Variants in NME8 observed in about 807,000 individuals in gnomAD.
The protein encoded by NME8 is NME/NM23 family member 8, also known as protein NME8.
A neutral mutation model predicts 82.3 loss-of-function variants in NME8; 72 were observed. That is an observed-to-expected ratio of 0.87 (90% CI 0.72 to 1.06). The LOEUF (loss-of-function observed/expected upper bound fraction) is 1.06, where lower values mean the gene tolerates loss of function less well. Among genes scored for constraint, NME8 ranks in the 50% least tolerant of loss-of-function variants. The probability of loss-of-function intolerance (pLI) is 0.00; values close to 1 mark genes in which losing one functional copy is unlikely to be tolerated. For missense variants in NME8, 712 were observed against 685.4 expected (o/e 1.04, Z -0.43); for synonymous variants, 267 against 228.5 (o/e 1.17, Z -1.52).
chr7:37,877,035 G>C, intron 12 of NME8, 28 bp downstream of exon 12: 1 of 1,571,918 alleles, frequency 6.4e-7, no homozygotes, highest in Non-Finnish European at 8.7e-7. Flanking sequence ...AATTGTTTAA[G>C]TATTTTATAT....
At chr7:37,879,439 C>G (rs1190337723) in intron 12 of NME8, among the ~76,000 whole-genome samples, 2 of 152,214 alleles carry the variant, frequency 1.3e-5, no homozygotes, top group Non-Finnish European at 2.9e-5. Context: ...AGCCACCACA[C>G]CCGGCCAGTA....
At chr7:37,855,709 T>TAAATTCTCC (rs1562828658) in intron 5 of NME8, among the ~76,000 whole-genome samples, 1 of 152,206 alleles carries the variant, frequency 6.6e-6, no homozygotes, top group Non-Finnish European at 1.5e-5. Flanking sequence ...TTGCAGGCAT[T>TAAATTCTCC]AAATTCTCCA....
Position 37,888,290 on chromosome 7 carries a change from T to C in NME8, c.1261T>C (p.Phe421Leu), listed in dbSNP as rs1785073898. Residue 421 changes from phenylalanine to leucine, a missense_variant, in exon 15 of 18, where the codon TTT becomes CTT. Phe to Leu is a conservative substitution (Grantham distance 22). Coordinates refer to ENST00000199447, the MANE Select transcript of NME8 (RefSeq NM_016616.5). ...TCTTTTTCAAAGTTTATGTGCACAG[T>C]TTGCGATGGACAGTTTGCCGGTCAA... Reference protein sequence around the residue: ...EYFPESLCAQFAMDSLPVNQL... With the variant: ...EYFPESLCAQLAMDSLPVNQL... 1 of 1,613,452 alleles carries C rather than the reference T, an allele frequency of 6.2e-7. No individual in the cohort carries two copies. The highest frequency in any genetic ancestry group is 8.5e-7 in the Non-Finnish European group (1 of 1,179,642).
chr7:37,875,602 C>A lies in NME8; in HGVS notation c.819-1230C>A, dbSNP rs1411367667. On this transcript the variant is annotated intron_variant, in intron 11 of 17. Coordinates refer to ENST00000199447, the MANE Select transcript of NME8 (RefSeq NM_016616.5). Reference sequence around the variant, plus strand: ...TTTTCAAAATAAAAAATTTAAACAACTTTTCTCATCTATATTCTGTTTAGA... The same window carrying A: ...TTTTCAAAATAAAAAATTTAAACAAATTTTCTCATCTATATTCTGTTTAGA... Among the ~76,000 whole-genome samples, 4 of 151,154 alleles carry A rather than the reference C, an allele frequency of 2.6e-5. No individual in the cohort carries two copies. The East Asian group carries it at 7.7e-4, about 29-fold the overall frequency.
Position 37,875,721 on chromosome 7 carries a change from A to G in NME8, c.819-1111A>G, listed in dbSNP as rs1430841190. ...ATTAAAATTGCTAAATTTGATAAAG[A>G]CACGATGTAGAAGGCAACATTTATG... On this transcript the variant is annotated intron_variant, in intron 11 of 17. Transcript: ENST00000199447. Among the ~76,000 whole-genome samples the G allele has an allele frequency of 3.3e-5, 5 of 152,112 alleles. No homozygotes were observed. In the South Asian group the frequency reaches 8.3e-4, roughly 25 times the overall value.
At chr7:37,872,072 G>T (rs1410683662) in intron 11 of NME8, among the ~76,000 whole-genome samples, 1 of 151,738 alleles carries the variant, frequency 6.6e-6, no homozygotes, top group Non-Finnish European at 1.5e-5. Context: ...AGAGTTTGGG[G>T]AGCTCCTGAA....
chr7:37,883,088 G>T (rs994859035), intron 12 of NME8, among the ~76,000 whole-genome samples: 2 of 152,062 alleles, frequency 1.3e-5, no homozygotes, highest in African/African-American at 2.4e-5. Flanking sequence ...GATTCTCAAG[G>T]ATTGACAATC....
At chr7:37,872,863 A>G (rs988495447) in intron 11 of NME8, among the ~76,000 whole-genome samples, 2 of 152,142 alleles carry the variant, frequency 1.3e-5, no homozygotes, top group African/African-American at 4.8e-5. Flanking sequence ...TCCACCCTCA[A>G]CTGATGCCAC....
intron 14 of NME8, among the ~76,000 whole-genome samples, chr7:37,887,921 A>G (rs889518519): frequency 6.6e-6 from 1 of 152,152 alleles, no homozygotes; most frequent in African/African-American, 2.4e-5. Context: ...CCCATGATTC[A>G]GTTAGCTCCC....
At chr7:37,876,433 G>T (rs1784854680) in intron 11 of NME8, among the ~76,000 whole-genome samples, 1 of 151,674 alleles carries the variant, frequency 6.6e-6, no homozygotes, top group African/African-American at 2.4e-5. Context: ...AAAGGTAATT[G>T]GAAATGTTCA....
rs1442421698 is a variant in NME8, at chr7:37,898,843, A to G, written c.*16-1401A>G. On this transcript the variant is annotated intron_variant, in intron 17 of 17. Coordinates refer to ENST00000199447, the MANE Select transcript of NME8 (RefSeq NM_016616.5). ...TAATAACATTGATTTGTATACTCAAATGGTTGCAATGGCAAATTTAATACA... is the reference window on the plus strand; with the variant it reads ...TAATAACATTGATTTGTATACTCAAGTGGTTGCAATGGCAAATTTAATACA... Among the ~76,000 whole-genome samples the G allele has an allele frequency of 2.0e-5, 3 of 152,308 alleles. No individual in the cohort carries two copies. In the South Asian group the frequency reaches 6.2e-4, roughly 32 times the overall value.
At position 37,896,875 on chromosome 7, in the gene NME8, C is replaced by A. The variant is rs761227974; in HGVS notation, c.1550C>A (p.Pro517Gln). ...GAAAGCACCGTTCTTTGCAGGGGTC[C>A]ATCTATGGTCATGATTCTGACCAAG... is the stretch of plus-strand genomic sequence containing the variant. ...KDLLEMLSVGPSMVMILTKWN... is the reference protein window; with the variant it reads ...KDLLEMLSVGQSMVMILTKWN... Residue 517 changes from proline to glutamine, a missense_variant, in exon 17 of 18, where the codon CCA becomes CAA. Pro to Gln is a moderately conservative substitution (Grantham distance 76). Transcript: ENST00000199447. 15 of 1,613,324 alleles carry A rather than the reference C, an allele frequency of 9.3e-6. No individual in the cohort carries two copies. The highest frequency in any genetic ancestry group is 1.1e-5 in the Non-Finnish European group (13 of 1,179,398).
chr7:37,849,695 C>A (rs1371145018), intron 2 of NME8, among the ~76,000 whole-genome samples: 1 of 152,018 alleles, frequency 6.6e-6, no homozygotes, highest in Non-Finnish European at 1.5e-5. Flanking sequence ...CGGTGAAATT[C>A]TGTATCTACT....
At chr7:37,898,889 C>T (rs947023013) in intron 17 of NME8, among the ~76,000 whole-genome samples, 11 of 151,870 alleles carry the variant, frequency 7.2e-5, no homozygotes, top group Non-Finnish European at 1.6e-4. Context: ...GACATATTGC[C>T]AGGATAAAAA....
chr7:37,885,067 T>G, intron 13 of NME8, 78 bp from the exon 14 acceptor site: 1 of 823,180 alleles, frequency 1.2e-6, no homozygotes, highest in Non-Finnish European at 2.1e-6. Flanking sequence ...TTTAACAATA[T>G]GCATTTGTAT....
intron 15 of NME8, among the ~76,000 whole-genome samples, chr7:37,893,983 T>C (rs927895939): frequency 2.0e-5 from 3 of 152,150 alleles, no homozygotes; most frequent in Non-Finnish European, 4.4e-5. Flanking sequence ...TCTCAGTTGG[T>C]TCACCTTTGT....
chr7:37,884,558 T>C, intron 13 of NME8, 111 bp downstream of exon 13: 1 of 913,926 alleles, frequency 1.1e-6, no homozygotes, highest in Non-Finnish European at 1.7e-6. Context: ...TGTAAACATG[T>C]TCTGAGTTTA....
Position 37,896,100 on chromosome 7 carries a change from C to CT in NME8, c.1545-764dup, listed in dbSNP as rs1785225527. Among the ~76,000 whole-genome samples, 7 of 152,242 alleles carry CT rather than the reference C, an allele frequency of 4.6e-5. No homozygotes were observed. In the South Asian group the frequency reaches 1.2e-3, roughly 27 times the overall value. On this transcript the variant is annotated intron_variant, in intron 16 of 17. Transcript: ENST00000199447. The stretch of plus-strand genomic sequence containing the variant: ...AAACCTCTTTAATTGCATGTCTTCT[C>CT]TTTTTTCAGTTCCTGACAATTTGTC...
intron 14 of NME8, among the ~76,000 whole-genome samples, chr7:37,886,411 T>A (rs1041694795): frequency 1.3e-5 from 2 of 152,142 alleles, no homozygotes; most frequent in Non-Finnish European, 2.9e-5. Flanking sequence ...TTAATCTTAA[T>A]CTTTATTTCT....
Sources: gnomAD v4.1 joint callset for allele counts (sites outside exome capture counted in the v4.1 genomes callset) on GRCh38, gnomAD v4.1.1 for gene constraint, MANE v1.5 for transcripts, NCBI Gene and HGNC (gene_info 2026-07-23, HGNC 2026-07-21) for gene names.